Variants in UBE2D3 observed in about 807,000 individuals in gnomAD.
UBE2D3 encodes ubiquitin conjugating enzyme E2 D3.
Under a neutral mutation model 22.8 loss-of-function variants are expected in UBE2D3, and 2 were observed. The observed-to-expected ratio is 0.09, with a 90% CI of 0.04 to 0.28. The LOEUF is 0.28. UBE2D3 is among the 10% of genes least tolerant of loss of function. The pLI, the probability that UBE2D3 is intolerant of heterozygous loss-of-function variation, is 1.00. For missense variants in UBE2D3, 27 were observed against 182.5 expected (o/e 0.15, Z 4.91); for synonymous variants, 56 against 60.4 (o/e 0.93, Z 0.34).
chr4:102,840,221 A>G (rs191262074), intron 1 of UBE2D3, among the ~76,000 whole-genome samples: 41 of 152,368 alleles, frequency 2.7e-4, no homozygotes, highest in African/African-American at 9.1e-4. Context: ...AAGAACTGCC[A>G]TATGATCTGT....
chr4:102,863,460 A>G (rs1352090859), intron 1 of UBE2D3, among the ~76,000 whole-genome samples: 1 of 150,944 alleles, frequency 6.6e-6, no homozygotes, highest in Admixed American at 6.6e-5. Flanking sequence ...TGACCCAAAC[A>G]CCTCCCACTA....
chr4:102,823,750 G>A (rs958734428), intron 2 of UBE2D3, among the ~76,000 whole-genome samples: 1 of 152,038 alleles, frequency 6.6e-6, no homozygotes, highest in South Asian at 2.1e-4. Flanking sequence ...AAAGTTGATT[G>A]GTCTAACAGT....
Position 102,801,559 on chromosome 4 carries a change from C to A in UBE2D3, c.199G>T (p.Val67Phe). ...TGATAAATTCTTGTTGTAAATGCAA[C>A]CTAAAACAAAAACTTTTAAGTATTT... ...PTDYPFKPPK[V>F]AFTTRIYHPN... is the part of the protein sequence containing the mutation. Residue 67 changes from valine (V) to phenylalanine (F), a missense_variant and splice_region_variant, in exon 6 of 8, where the codon GTT (valine) becomes TTT (phenylalanine). Val to Phe is a conservative substitution (Grantham distance 50). Transcript: ENST00000453744. The A allele has an allele frequency of 6.3e-7, 1 of 1,585,986 alleles. No individual in the cohort carries two copies. The highest frequency in any genetic ancestry group is 8.6e-7 in the Non-Finnish European group (1 of 1,166,796).
Position 102,798,245 on chromosome 4 carries a change from C to T in UBE2D3, c.399-785G>A, listed in dbSNP as rs1198249921. Among the ~76,000 whole-genome samples, 5 of 112,660 alleles carry T rather than the reference C, an allele frequency of 4.4e-5. No homozygotes were observed. In the South Asian group the frequency reaches 1.4e-3, roughly 31 times the overall value. 73.9% of individuals were successfully genotyped at this position (112,660 alleles called of 152,430 possible). On this transcript the variant is annotated intron_variant, in intron 7 of 7. Transcript: ENST00000453744. ...TTATACTCATGCCATAGACTACTTA[C>T]AACAACAAAAAACAGTGATAACCTT...
At chr4:102,844,293 G>A (rs1731925429) in intron 1 of UBE2D3, among the ~76,000 whole-genome samples, 1 of 152,102 alleles carries the variant, frequency 6.6e-6, no homozygotes, top group Non-Finnish European at 1.5e-5. Flanking sequence ...ATATAGGCTG[G>A]TCTCAAACTC....
At position 102,809,310 on chromosome 4, in the gene UBE2D3, A is replaced by C. The variant is rs550464231; in HGVS notation, c.120+362T>G. On this transcript the variant is annotated intron_variant, in intron 4 of 7. Coordinates refer to ENST00000453744, the MANE Select transcript of UBE2D3 (RefSeq NM_181891.3). ...TTGGCAGCTGCAGTAACAGAATAAG[A>C]TCTCTGAGTAACACAACGCATGGCA... The C allele has an allele frequency of 2.0e-5, 5 of 249,736 alleles. No individual in the cohort carries two copies. The East Asian group carries it at 2.9e-4, about 15-fold the overall frequency. The allele number at this position is 249,736 out of a possible 1,614,324, so 15.5% of individuals were successfully genotyped here. A position where few individuals can be genotyped will look rare whatever the true frequency, so the allele number is the denominator to read the frequency against.
intron 1 of UBE2D3, among the ~76,000 whole-genome samples, chr4:102,850,665 T>G (rs74362499): frequency 6.6e-6 from 1 of 152,188 alleles, no homozygotes; most frequent in Non-Finnish European, 1.5e-5. Context: ...ATTTTACTTA[T>G]ATTTCTCTGT....
chr4:102,809,658 T>C lies in UBE2D3; in HGVS notation c.120+14A>G, dbSNP rs752256623. ...TTTCACTTAAAACTAAATTTAAAAA[T>C]TCTTAATACTTACAGGTCCCATAAT... is the stretch of plus-strand genomic sequence containing the variant. On this transcript the variant is annotated intron_variant, in intron 4 of 7. Transcript: ENST00000453744. 1.3e-6 allele frequency: 2 copies of C among 1,592,762 alleles called. No homozygotes were observed. The highest frequency in any genetic ancestry group is 2.2e-5 in the East Asian group (1 of 44,702).
At chr4:102,814,718 T>C (rs902214658) in intron 2 of UBE2D3, among the ~76,000 whole-genome samples, 1 of 152,274 alleles carries the variant, frequency 6.6e-6, no homozygotes, top group African/African-American at 2.4e-5. Flanking sequence ...AAGCAGACCA[T>C]GTGTAGACCA....
chr4:102,814,352 G>A (rs1728491726), intron 2 of UBE2D3, among the ~76,000 whole-genome samples: 1 of 150,756 alleles, frequency 6.6e-6, no homozygotes, highest in African/African-American at 2.4e-5. Flanking sequence ...GCAGTGGTGT[G>A]ATCTTGGTTC....
intron 1 of UBE2D3, among the ~76,000 whole-genome samples, chr4:102,851,287 A>G (rs1393407608): frequency 6.6e-6 from 1 of 152,220 alleles, no homozygotes; most frequent in Non-Finnish European, 1.5e-5. Context: ...GTGACTTTGT[A>G]CAACTTCTTA....
At chr4:102,840,410 C>T (rs911857487) in intron 1 of UBE2D3, among the ~76,000 whole-genome samples, 54 of 152,374 alleles carry the variant, frequency 3.5e-4, no homozygotes, top group Middle Eastern at 3.4e-3. Flanking sequence ...ATCATTTCCT[C>T]TGCAGAAACA....
At chr4:102,811,327 C>G (rs554253474) in intron 2 of UBE2D3, 1 of 99,554 alleles carries the variant, frequency 1.0e-5, no homozygotes, top group Admixed American at 1.0e-4. Flanking sequence ...GTCTGGGCAA[C>G]AGAGCTGTCT....
At chr4:102,827,935 T>TTTCCTCAC, upstream of UBE2D3, 1 of 985,526 alleles carries the variant, frequency 1.0e-6, no homozygotes, top group Non-Finnish European at 1.2e-6. Context: ...CGTCCCCCAG[T>TTTCCTCAC]TTCCTCACTT....
intron 2 of UBE2D3, among the ~76,000 whole-genome samples, chr4:102,822,409 C>CT (rs1301582982): frequency 6.6e-6 from 1 of 152,172 alleles, no homozygotes; most frequent in Non-Finnish European, 1.5e-5. Flanking sequence ...TTTGTTCACT[C>CT]TAAGACATCC....
upstream of UBE2D3, among the ~76,000 whole-genome samples, chr4:102,832,002 A>G (rs1296295376): frequency 6.6e-6 from 1 of 152,246 alleles, no homozygotes; most frequent in Non-Finnish European, 1.5e-5. Context: ...GATGTCATCT[A>G]TAAGAAAGTC....
At position 102,795,161 on chromosome 4, in the gene UBE2D3, G is replaced by T. The variant is rs994730804; in HGVS notation, c.*2254C>A. The stretch of plus-strand genomic sequence containing the variant: ...AGCAACAAATGAAATGATGTATAAA[G>T]CATCAAGTCAAAGATACAGAGAACT... On this transcript the variant is annotated 3_prime_UTR_variant, in exon 8 of 8. Transcript: ENST00000453744. 6.6e-6 allele frequency: 1 copy of T among 151,996 alleles called. No individual in the cohort carries two copies. The highest frequency in any genetic ancestry group is 1.5e-5 in the Non-Finnish European group (1 of 67,930). 9.4% of individuals were successfully genotyped at this position (151,996 alleles called of 1,614,324 possible). A position where few individuals can be genotyped will look rare whatever the true frequency, so the allele number is the denominator to read the frequency against.
intron 2 of UBE2D3, 170 bp from the exon 3 acceptor site, chr4:102,810,025 A>G (rs1191049126): frequency 1.6e-6 from 1 of 625,496 alleles, no homozygotes; most frequent in African/African-American, 1.9e-5. Context: ...ACATATGCTG[A>G]GACAATCATC....
intron 4 of UBE2D3, chr4:102,809,305 A>C: frequency 8.0e-6 from 2 of 248,744 alleles, no homozygotes; most frequent in East Asian, 9.8e-5. Context: ...CAGTAACAGA[A>C]TAAGATCTCT....
Sources: gnomAD v4.1 joint callset for allele counts (sites outside exome capture counted in the v4.1 genomes callset) on GRCh38, gnomAD v4.1.1 for gene constraint, MANE v1.5 for transcripts, NCBI Gene and HGNC (gene_info 2026-07-23, HGNC 2026-07-21) for gene names.